SLC9C2: variants seen among roughly 807,000 people sequenced by gnomAD.
SLC9C2 encodes sodium/hydrogen exchanger 11.
SLC9C2 carries 75 observed loss-of-function variants against 140.2 expected under a neutral mutation model. That is an observed-to-expected ratio of 0.53 (90% CI 0.44 to 0.65). The LOEUF (loss-of-function observed/expected upper bound fraction) is 0.65, where lower values mean the gene tolerates loss of function less well. Ranked by LOEUF, SLC9C2 falls within the 30% of genes least tolerant of loss-of-function variation. The pLI is 0.00. For synonymous variants in SLC9C2, 375 were observed against 420.9 expected, an observed-to-expected ratio of 0.89 and a Z score of 1.34; for missense variants, 1,074 against 1,331.8, an observed-to-expected ratio of 0.81 and a Z score of 3.01.
rs1388831673 is a variant in SLC9C2 at position 173,557,501 on chromosome 1, T to C, written c.1054A>G (p.Thr352Ala). The C allele has an allele frequency of 6.2e-7, 1 of 1,611,362 alleles. No homozygotes were observed. The highest frequency in any genetic ancestry group is 1.1e-5 in the South Asian group (1 of 90,230). The change falls in exon 10 of 28, where the codon ACT (threonine) becomes GCT (alanine). Residue 352 changes from threonine (T) to alanine (A), a missense_variant. Thr to Ala is a moderately conservative substitution (Grantham distance 58). Transcript: ENST00000367714. ...FTTVNLVRLL[T>A]ILLVSPILMH... ...AAAATAGGGCTCACTAACAAAATAG[T>C]AAGCAACCTGTGGAGAGGGAAACAT... is the stretch of plus-strand genomic sequence containing the variant.
At chr1:173,502,558 A>G (rs554418465) in intron 27 of SLC9C2, among the ~76,000 whole-genome samples, 14 of 152,268 alleles carry the variant, frequency 9.2e-5, no homozygotes, top group African/African-American at 2.6e-4. Context: ...TCCTGGTCCA[A>G]TAAGACAGGC....
chr1:173,574,773 G>T (rs959648455), intron 8 of SLC9C2, among the ~76,000 whole-genome samples: 1 of 152,020 alleles, frequency 6.6e-6, no homozygotes, highest in African/African-American at 2.4e-5. Flanking sequence ...GCCTCCCAAA[G>T]TGCTGGGATT....
At chr1:173,543,221 G>C (rs199869782) in intron 13 of SLC9C2, among the ~76,000 whole-genome samples, 1 of 134,966 alleles carries the variant, frequency 7.4e-6, no homozygotes, top group East Asian at 2.5e-4. Context: ...ATAACAGACA[G>C]AGAGCCAAAT....
At chr1:173,582,030 TAAG>T (rs772073525) in intron 6 of SLC9C2, 22 bp from the exon 7 acceptor site, 1 of 1,473,284 alleles carries the variant, frequency 6.8e-7, no homozygotes, top group Non-Finnish European at 9.1e-7. Flanking sequence ...AAAGAAAAAA[TAAG>T]AAATAAAAAC....
In SLC9C2 at chr1:173,602,952, T is replaced by A. The variant is rs1666871217; in HGVS notation, c.-281A>T. ...AATTAAGTTCTACAAATTACCCAGATCAGAGATATGTTCCTTAAAGATTAA... is the reference window on the plus strand; with the variant it reads ...AATTAAGTTCTACAAATTACCCAGAACAGAGATATGTTCCTTAAAGATTAA... On this transcript the variant is annotated 5_prime_UTR_variant, in exon 1 of 28. Transcript: ENST00000367714. 1 of 152,208 alleles carries A rather than the reference T, an allele frequency of 6.6e-6. No homozygotes were observed. The highest frequency in any genetic ancestry group is 1.5e-5 in the Non-Finnish European group (1 of 68,052). The allele number at this position is 152,208 out of a possible 1,614,324, so 9.4% of individuals were successfully genotyped here. A position where few individuals can be genotyped will look rare whatever the true frequency, so the allele number is the denominator to read the frequency against.
At chr1:173,515,192 T>C (rs563500611) in intron 23 of SLC9C2, among the ~76,000 whole-genome samples, 29 of 152,198 alleles carry the variant, frequency 1.9e-4, no homozygotes, top group Non-Finnish European at 3.8e-4. Context: ...AATTTGAATG[T>C]TGGTCTGCCT....
chr1:173,571,038 C>T (rs948572289), intron 9 of SLC9C2, among the ~76,000 whole-genome samples: 1 of 152,070 alleles, frequency 6.6e-6, no homozygotes, highest in Non-Finnish European at 1.5e-5. Flanking sequence ...TATGAAGGTG[C>T]TTTTTTGTGT....
At chr1:173,509,526 C>A in intron 24 of SLC9C2, 42 bp downstream of exon 24, 6 of 1,430,604 alleles carry the variant, frequency 4.2e-6, no homozygotes, top group Non-Finnish European at 5.6e-6. Context: ...AAATACAATG[C>A]ATAAAAATTC....
In SLC9C2 at chr1:173,517,708, C is replaced by G. The variant is rs199889258; in HGVS notation, c.2740-4G>C. 1 of 1,591,494 alleles carries G rather than the reference C, an allele frequency of 6.3e-7. No individual in the cohort carries two copies. Among genetic ancestry groups the G allele is most frequent in the Admixed American group, 1.8e-5 (1 of 54,244 alleles). ...AGGTAGGAGATAAACTATGCAACTG[C>G]AAAGGGAAAAAAAGTGTGCAAAGGG... On this transcript the variant is annotated splice_polypyrimidine_tract_variant and splice_region_variant and intron_variant, in intron 22 of 27. Transcript: ENST00000367714.
chr1:173,596,800 A>G (rs751293320), intron 4 of SLC9C2: 1 of 152,144 alleles, frequency 6.6e-6, no homozygotes, highest in African/African-American at 2.4e-5. Context: ...ACTATAGTCA[A>G]TTTTACACAT....
chr1:173,539,495 T>C (rs1207655806), intron 13 of SLC9C2, among the ~76,000 whole-genome samples: 1 of 152,190 alleles, frequency 6.6e-6, no homozygotes, highest in East Asian at 1.9e-4. Context: ...ACAGTAGGCT[T>C]GGGATGAGTT....
At chr1:173,542,407 C>T (rs1423710022) in intron 13 of SLC9C2, among the ~76,000 whole-genome samples, 2 of 152,160 alleles carry the variant, frequency 1.3e-5, no homozygotes, top group East Asian at 3.8e-4. Flanking sequence ...CAAACAGATT[C>T]ACAGCCAAAT....
chr1:173,509,318 G>A (rs890057340), intron 24 of SLC9C2, among the ~76,000 whole-genome samples: 3 of 151,744 alleles, frequency 2.0e-5, no homozygotes, highest in Non-Finnish European at 4.4e-5. Flanking sequence ...GGGGGCAGGC[G>A]CCTATAATCC....
chr1:173,561,993 C>T (rs1291917629), intron 9 of SLC9C2, among the ~76,000 whole-genome samples: 1 of 152,118 alleles, frequency 6.6e-6, no homozygotes, highest in Non-Finnish European at 1.5e-5. Context: ...ATCCAGCTCA[C>T]AGCTATGTAG....
intron 5 of SLC9C2, 22 bp downstream of exon 5, chr1:173,587,643 G>A: frequency 6.3e-7 from 1 of 1,588,032 alleles, no homozygotes; most frequent in Non-Finnish European, 8.6e-7. Context: ...CAAGATAAGA[G>A]AGAGAAATAA....
intron 17 of SLC9C2, among the ~76,000 whole-genome samples, chr1:173,532,684 T>C (rs1374110789): frequency 6.6e-6 from 1 of 152,176 alleles, no homozygotes; most frequent in Non-Finnish European, 1.5e-5. Context: ...TTTTATTCTT[T>C]CACTCAACAA....
chr1:173,537,778 T>C (rs1662085928), intron 13 of SLC9C2, among the ~76,000 whole-genome samples: 2 of 152,174 alleles, frequency 1.3e-5, no homozygotes, highest in Non-Finnish European at 2.9e-5. Context: ...CACAAAGAAC[T>C]ATCAAAAGAA....
intron 3 of SLC9C2, among the ~76,000 whole-genome samples, chr1:173,598,236 C>T (rs577192475): frequency 3.9e-5 from 6 of 152,124 alleles, no homozygotes; most frequent in African/African-American, 1.4e-4. Flanking sequence ...GACCTCTATT[C>T]ACCAGATAAT....
chr1:173,532,607 T>G (rs868076566), intron 17 of SLC9C2, among the ~76,000 whole-genome samples: 1 of 152,186 alleles, frequency 6.6e-6, no homozygotes, highest in Non-Finnish European at 1.5e-5. Context: ...TTGGGAGACA[T>G]GAACAAATTT....
Sources: allele counts gnomAD v4.1 joint callset (sites outside exome capture counted in the v4.1 genomes callset), GRCh38; gene constraint gnomAD v4.1.1; transcripts MANE v1.5; gene names NCBI Gene and HGNC (gene_info 2026-07-23, HGNC 2026-07-21).